EHMT2: variants seen among roughly 807,000 people sequenced by gnomAD.
EHMT2 encodes the protein euchromatic histone lysine methyltransferase 2.
In EHMT2, 59 loss-of-function variants were observed where a neutral mutation model predicts 143.3. The observed-to-expected ratio is 0.41, with a 90% CI of 0.33 to 0.51. The LOEUF (loss-of-function observed/expected upper bound fraction) is 0.51, where lower values mean the gene tolerates loss of function less well. EHMT2 is among the 20% of genes least tolerant of loss of function. EHMT2 has a pLI of 0.18. For synonymous variants in EHMT2, 604 were observed against 651.5 expected, an observed-to-expected ratio of 0.93 and a Z score of 1.11; for missense variants, 1,174 against 1,645.9, an observed-to-expected ratio of 0.71 and a Z score of 4.96.
At chr6:31,896,689 G>A (rs1357860383) in exon 3 of EHMT2, 7 of 1,611,330 alleles carry the variant, frequency 4.3e-6, no homozygotes, top group Non-Finnish European at 5.9e-6. Flanking sequence ...AGCCCCTACA[G>A]GGGTGTCAGC....
At chr6:31,886,713 G>C (rs775502890) in intron 17 of EHMT2, 31 bp from the exon 18 acceptor site, 1 of 1,613,930 alleles carries the variant, frequency 6.2e-7, no homozygotes, top group Non-Finnish European at 8.5e-7. Context: ...TGAGCCTTTG[G>C]GCTGGCACCC....
chr6:31,896,861 C>T, intron 2 of EHMT2, 37 bp from the exon 3 acceptor site: 1 of 1,612,346 alleles, frequency 6.2e-7, no homozygotes. Context: ...GCTAAGGGCT[C>T]AGGAGATCCT....
Position 31,888,678 on chromosome 6 carries a change from C to T in EHMT2, c.1286G>A (p.Arg429His), listed in dbSNP as rs1765245879. Residue 429 changes from arginine (R) to histidine (H), a missense_variant, in exon 11 of 28, where the codon CGC becomes CAC. This residue lies in a region of EHMT2 where 608 missense variants were observed against 903.7 expected (regional missense o/e 0.67). Transcript: ENST00000375537. The surrounding 1 kb of genome is among the most constrained non-coding windows in gnomAD (Gnocchi z 7.4). ...GCGGTCAATCTTGGGTGCCTCCATG[C>T]GGCAGCTGCACAGGGGCAACTCCTC... 1 of 1,613,782 alleles carries T rather than the reference C, an allele frequency of 6.2e-7. No homozygotes were observed. Among genetic ancestry groups the T allele is most frequent in the Non-Finnish European group, 8.5e-7 (1 of 1,180,010 alleles).
chr6:31,885,103 C>G, intron 18 of EHMT2, 87 bp from the exon 19 acceptor site: 1 of 1,457,956 alleles, frequency 6.9e-7, no homozygotes, highest in Non-Finnish European at 9.2e-7. Flanking sequence ...GTGTGTGAAT[C>G]CCAGCTCCAC....
At chr6:31,882,451 A>G (rs1764228211) in intron 25 of EHMT2, among the ~76,000 whole-genome samples, 1 of 142,292 alleles carries the variant, frequency 7.0e-6, no homozygotes, top group African/African-American at 2.7e-5. Context: ...GTGGAGGTGG[A>G]GGGGAGGGAA....
At chr6:31,894,722 C>T (rs9267662) in intron 4 of EHMT2, among the ~76,000 whole-genome samples, 1 of 152,076 alleles carries the variant, frequency 6.6e-6, no homozygotes, top group Non-Finnish European at 1.5e-5. Context: ...ACCGCAGTGG[C>T]GCGATCTTGG....
exon 6 of EHMT2, chr6:31,892,722 C>T (rs1765861638): frequency 6.2e-7 from 1 of 1,612,992 alleles, no homozygotes; most frequent in African/African-American, 1.3e-5. Context: ...CAGCTTCCTC[C>T]TTTTGGCCAG....
At position 31,884,561 on chromosome 6, in the gene EHMT2, T is replaced by C. The variant is rs1233105875; in HGVS notation, c.2604-2A>G. ...TTGGCCCCACGTGACAGGAATAACC[T>C]GAAGAGGGGACAGGATGCCCAATGC... is the stretch of plus-strand genomic sequence containing the variant. On this transcript the variant is annotated splice_acceptor_variant, in intron 20 of 27. Coordinates refer to ENST00000375537, the Ensembl canonical transcript of EHMT2. LOFTEE classifies it high-confidence loss of function. This position sits in a 1 kb window ranked among gnomAD's most constrained non-coding sequence, Gnocchi z 7.3. 1.2e-6 allele frequency: 2 copies of C among 1,612,332 alleles called. No homozygotes were observed. Among genetic ancestry groups the C allele is most frequent in the Non-Finnish European group, 1.7e-6 (2 of 1,179,780 alleles).
chr6:31,892,829 A>C, exon 5 of EHMT2: 1 of 1,608,050 alleles, frequency 6.2e-7, no homozygotes, highest in Non-Finnish European at 8.5e-7. Context: ...GACTGACCTG[A>C]GGTCACCTTT....
At chr6:31,887,243 C>T in intron 15 of EHMT2, 142 bp from the exon 16 acceptor site, 2 of 690,500 alleles carry the variant, frequency 2.9e-6, no homozygotes, top group South Asian at 1.9e-5. Flanking sequence ...AGCTTGCCTC[C>T]ACCACAGCAT....
chr6:31,897,225 G>T, intron 1 of EHMT2: 1 of 1,226,932 alleles, frequency 8.2e-7, no homozygotes, highest in Non-Finnish European at 1.0e-6. Context: ...GAGAAGAGGA[G>T]GGGGAGGGGG....
chr6:31,886,501 A>T, intron 18 of EHMT2, 80 bp downstream of exon 18: 1 of 1,280,284 alleles, frequency 7.8e-7, no homozygotes, highest in Non-Finnish European at 1.1e-6. Flanking sequence ...GATGTAGGAA[A>T]GGCGGCCCAA....
At chr6:31,896,476 C>T (rs1766457912) in exon 4 of EHMT2, 2 of 1,613,010 alleles carry the variant, frequency 1.2e-6, no homozygotes, top group Non-Finnish European at 1.7e-6. Context: ...GACAGGAACC[C>T]CCCTTGCTGG....
chr6:31,889,114 C>T lies in EHMT2; in HGVS notation c.1115-44G>A, dbSNP rs767623930. The T allele has an allele frequency of 2.6e-5, 41 of 1,561,260 alleles. No homozygotes were observed. Among genetic ancestry groups the T allele is most frequent in the Non-Finnish European group, 3.6e-5 (41 of 1,146,850 alleles). ...GAGTGAGAGTGCGAGCTCACAGGTG[C>T]CTGGACGCGTGGGTACATGCAGGTG... On this transcript the variant is annotated intron_variant, in intron 9 of 27. Coordinates refer to ENST00000375537, the Ensembl canonical transcript of EHMT2. This position sits in a 1 kb window ranked among gnomAD's most constrained non-coding sequence, Gnocchi z 5.1.
chr6:31,880,880 C>A lies in EHMT2; in HGVS notation c.3277-32G>T, dbSNP rs974562605. ...CAGGGGGATGGCACTCTTCACATCT[C>A]CCCCGACCCTGCTTGCCCTCCCCAC... On this transcript the variant is annotated intron_variant, in intron 26 of 27. Coordinates refer to ENST00000375537, the Ensembl canonical transcript of EHMT2. The surrounding 1 kb of genome is among the most constrained non-coding windows in gnomAD (Gnocchi z 6.6). 5.0e-6 allele frequency: 8 copies of A among 1,611,614 alleles called. No homozygotes were observed. The African/African-American group carries it at 9.4e-5, about 19-fold the overall frequency.
exon 15 of EHMT2, chr6:31,887,606 C>T (rs1765044952): frequency 6.2e-7 from 1 of 1,612,958 alleles, no homozygotes; most frequent in African/African-American, 1.3e-5. Context: ...CTGCAGCTCG[C>T]CCTGCTTCAC....
In EHMT2 at chr6:31,880,321, C is replaced by T. The variant is rs1159387807; in HGVS notation, c.3453-57G>A. 2.5e-6 allele frequency: 4 copies of T among 1,577,822 alleles called. No homozygotes were observed. The highest frequency in any genetic ancestry group is 3.4e-5 in the Admixed American group (2 of 58,092). ...TGGACCCAGCCACCAAGAGCCCACC[C>T]CGAAGACCCTGTGGATCCTGCTCCC... On this transcript the variant is annotated intron_variant, in intron 27 of 27. Coordinates refer to ENST00000375537, the Ensembl canonical transcript of EHMT2. The surrounding 1 kb of genome is among the most constrained non-coding windows in gnomAD (Gnocchi z 6.6).
At position 31,892,905 on chromosome 6, in the gene EHMT2, C is replaced by T. The variant is rs561425252; in HGVS notation, c.588G>A (p.Pro196=). 9.6e-4 allele frequency: 1,507 copies of T among 1,571,294 alleles called. 24 individuals carry two copies. In the South Asian group the frequency reaches 0.016, roughly 17 times the overall value. ...TTTCAGGGGGCCGCTTCTCAGGGAC[C>T]GGGGGCTGTGGGCCGAGAGGGAGCA... Residue 196 remains proline (P), a synonymous_variant, in exon 5 of 28, where the codon CCG becomes CCA. Coordinates refer to ENST00000375537, the Ensembl canonical transcript of EHMT2.
In EHMT2 at chr6:31,889,612, A is replaced by T. The variant is rs1180699553; in HGVS notation, c.865-10T>A. 6.8e-6 allele frequency: 11 copies of T among 1,609,108 alleles called. No individual in the cohort carries two copies. The Admixed American group carries it at 1.0e-4, about 15-fold the overall frequency. ...GAGCTTCAACTTCAGACTGGGAGAG[A>T]GGCAGAACAGACATATCCAACCCCC... On this transcript the variant is annotated splice_polypyrimidine_tract_variant and intron_variant, in intron 7 of 27. Coordinates refer to ENST00000375537, the Ensembl canonical transcript of EHMT2. The surrounding 1 kb of genome is among the most constrained non-coding windows in gnomAD (Gnocchi z 5.1).
Sources: allele counts gnomAD v4.1 joint callset (sites outside exome capture counted in the v4.1 genomes callset), GRCh38; gene constraint gnomAD v4.1.1; regional missense constraint gnomAD v4.1.1; non-coding constraint Gnocchi (gnomAD v3.1); transcripts MANE v1.5; gene names NCBI Gene and HGNC (gene_info 2026-07-23, HGNC 2026-07-21).